PGAP4: variants seen among roughly 807,000 people sequenced by gnomAD.
PGAP4 encodes the protein post-GPI attachment to proteins GalNAc transferase 4, also known as GPI-N-acetylgalactosamine transferase PGAP4.
Under a neutral mutation model 28.2 loss-of-function variants are expected in PGAP4, and 12 were observed. The observed-to-expected ratio is 0.42, with a 90% CI of 0.27 to 0.69. PGAP4 has a LOEUF of 0.69. PGAP4 is among the 30% of genes least tolerant of loss of function. The pLI, the probability that PGAP4 is intolerant of heterozygous loss-of-function variation, is 0.22. For missense variants in PGAP4, 425 were observed against 513.5 expected, an observed-to-expected ratio of 0.83 and a Z score of 1.67; for synonymous variants, 205 against 211.8, an observed-to-expected ratio of 0.97 and a Z score of 0.28.
At chr9:101,519,898 G>A (rs1929484) in intron 2 of PGAP4, among the ~76,000 whole-genome samples, 23,923 of 152,032 alleles carry the variant, frequency 0.16, 2,405 homozygotes, top group East Asian at 0.36. Flanking sequence ...GATTTTGTAT[G>A]AGGTGAGAGA....
intron 1 of PGAP4, among the ~76,000 whole-genome samples, chr9:101,481,727 C>A (rs16920423): frequency 0.15 from 22,477 of 152,156 alleles, 2,423 homozygotes; most frequent in African/African-American, 0.29. Context: ...GTGGAAGACA[C>A]AATACCAGGG....
upstream of PGAP4, chr9:101,489,017 C>G (rs1826660796): frequency 6.6e-6 from 1 of 152,104 alleles, no homozygotes; most frequent in South Asian, 2.1e-4. Context: ...TCAAACACTT[C>G]CCTAGTACTT....
intron 2 of PGAP4, among the ~76,000 whole-genome samples, chr9:101,494,959 T>G (rs549343029): frequency 6.7e-6 from 1 of 149,992 alleles, no homozygotes; most frequent in South Asian, 2.1e-4. Flanking sequence ...TAGAAAAGAT[T>G]AATATAACAA....
At chr9:101,517,090 T>C (rs575065453) in intron 2 of PGAP4, among the ~76,000 whole-genome samples, 4 of 152,314 alleles carry the variant, frequency 2.6e-5, no homozygotes, top group Admixed American at 2.6e-4. Context: ...CTGCTGTTAT[T>C]TAACTAAATT....
intron 2 of PGAP4, among the ~76,000 whole-genome samples, chr9:101,515,494 A>G (rs1339945298): frequency 6.6e-6 from 1 of 152,184 alleles, no homozygotes; most frequent in Non-Finnish European, 1.5e-5. Context: ...TGTTATTCAG[A>G]TGTGTAGGCA....
exon 1 of PGAP4, chr9:101,532,902 G>A (rs1827116387): frequency 6.6e-6 from 1 of 150,448 alleles, no homozygotes; most frequent in Non-Finnish European, 1.5e-5. Flanking sequence ...TTCCCAAGAT[G>A]CCTAAATTCT....
chr9:101,502,441 T>A (rs951784308), intron 2 of PGAP4, among the ~76,000 whole-genome samples: 3 of 152,068 alleles, frequency 2.0e-5, no homozygotes, highest in Admixed American at 1.3e-4. Flanking sequence ...GCCTCTGTGA[T>A]TCCAGTAATG....
intron 2 of PGAP4, among the ~76,000 whole-genome samples, chr9:101,525,235 T>C (rs949969571): frequency 2.0e-5 from 3 of 152,230 alleles, no homozygotes; most frequent in East Asian, 3.9e-4. Context: ...AGGTTTGTGC[T>C]TGCTATTTAG....
chr9:101,476,157 A>G lies in PGAP4; in HGVS notation c.936T>C (p.Tyr312=). Residue 312 remains tyrosine (Y), a synonymous_variant, in exon 2 of 2, where the codon TAT becomes TAC. Coordinates refer to ENST00000374848, the MANE Select transcript of PGAP4 (RefSeq NM_032342.3). The surrounding 1 kb of genome is among the most constrained non-coding windows in gnomAD (Gnocchi z 7.0). ...MGLVELVGRH[Y]FLELRRLSPS... is the part of the protein sequence containing the mutation. Reference sequence around the variant, plus strand: ...GACTCAGCCGCCGCAGTTCCAGGAAATAGTGCCGACCCACCAGCTCCACCA... The same window carrying G: ...GACTCAGCCGCCGCAGTTCCAGGAAGTAGTGCCGACCCACCAGCTCCACCA... The G allele has an allele frequency of 1.2e-6, 2 of 1,614,168 alleles. No individual in the cohort carries two copies. Among genetic ancestry groups the G allele is most frequent in the Non-Finnish European group, 8.5e-7 (1 of 1,180,028 alleles).
chr9:101,527,351 C>A (rs1044268098), intron 2 of PGAP4, among the ~76,000 whole-genome samples: 1 of 152,178 alleles, frequency 6.6e-6, no homozygotes, highest in Non-Finnish European at 1.5e-5. Context: ...TGCTGTAAGA[C>A]CTCCTTTTAA....
chr9:101,485,701 T>C (rs1162906538), intron 1 of PGAP4, among the ~76,000 whole-genome samples: 1 of 152,194 alleles, frequency 6.6e-6, no homozygotes, highest in Non-Finnish European at 1.5e-5. Context: ...ACTTCAAATG[T>C]GTATACATAG....
intron 2 of PGAP4, among the ~76,000 whole-genome samples, chr9:101,495,054 A>C (rs1826727180): frequency 7.3e-6 from 1 of 137,766 alleles, no homozygotes; most frequent in Non-Finnish European, 1.6e-5. Context: ...CCTAAATGTA[A>C]CTGAAAGAAG....
chr9:101,527,677 GTATAAA>G (rs1827047199), intron 2 of PGAP4, among the ~76,000 whole-genome samples: 1 of 152,232 alleles, frequency 6.6e-6, no homozygotes, highest in South Asian at 2.1e-4. Flanking sequence ...ATGTTAAAAT[GTATAAA>G]TATAAACTTG....
chr9:101,484,865 A>T (rs1263075320), intron 1 of PGAP4, among the ~76,000 whole-genome samples: 1 of 152,186 alleles, frequency 6.6e-6, no homozygotes, highest in Non-Finnish European at 1.5e-5. Context: ...CAGAGATATG[A>T]CCATTTTATT....
chr9:101,526,274 C>A lies in PGAP4; in HGVS notation c.-165+5074G>T, dbSNP rs548661397. 9.6e-4 allele frequency among the ~76,000 whole-genome samples: 146 copies of A among 152,008 alleles called. 1 individual carries two copies. Among genetic ancestry groups the A allele is most frequent in the African/African-American group, 3.0e-3 (126 of 41,496 alleles). On this transcript the variant is annotated intron_variant, in intron 2 of 3. Transcript: ENST00000374851. Reference sequence around the variant, plus strand: ...ATTAGATTATTAATAAAAGCAAGCACAAATAAGAAAAAGAGAAAGGGAATA... The same window carrying A: ...ATTAGATTATTAATAAAAGCAAGCAAAAATAAGAAAAAGAGAAAGGGAATA...
chr9:101,473,252 A>T lies in PGAP4; in HGVS notation c.*2629T>A, dbSNP rs1209473136. ...CACAAGAGAGAGCTTCTTAAGCCTG[A>T]CCATAATTTAAACTCTGAAAGGTGA... On this transcript the variant is annotated 3_prime_UTR_variant, in exon 2 of 2. Transcript: ENST00000374848. 5 of 152,360 alleles carry T rather than the reference A, an allele frequency of 3.3e-5. No individual in the cohort carries two copies. In the East Asian group the frequency reaches 9.6e-4, roughly 29 times the overall value. The allele number at this position is 152,360 out of a possible 1,614,324, so 9.4% of individuals were successfully genotyped here. A position where few individuals can be genotyped will look rare whatever the true frequency, so the allele number is the denominator to read the frequency against.
rs143406343 is a variant in PGAP4 at position 101,477,086 on chromosome 9, T to C, written c.7A>G (p.Thr3Ala). Reference sequence around the variant, plus strand: ...AGCATGGCAGCTGGAGAGGTTGAAGTGCTCATGAGGTCAACTTTTGTTCAT... The same window carrying C: ...AGCATGGCAGCTGGAGAGGTTGAAGCGCTCATGAGGTCAACTTTTGTTCAT... MS[T>A]STSPAAMLLR... is the part of the protein sequence containing the mutation. Residue 3 changes from threonine to alanine, a missense_variant, in exon 2 of 2, where the codon ACT (threonine) becomes GCT (alanine). Physicochemically the swap from Thr to Ala is moderately conservative, Grantham distance 58 (BLOSUM62 0). Coordinates refer to ENST00000374848, the MANE Select transcript of PGAP4 (RefSeq NM_032342.3). The C allele has an allele frequency of 9.1e-5, 143 of 1,576,950 alleles. No homozygotes were observed. In the African/African-American group the frequency reaches 1.8e-3, roughly 20 times the overall value.
chr9:101,496,009 T>C (rs555643819), intron 2 of PGAP4, among the ~76,000 whole-genome samples: 1 of 151,494 alleles, frequency 6.6e-6, no homozygotes, highest in East Asian at 1.9e-4. Flanking sequence ...AACTATATTA[T>C]AGAGGAATGT....
At chr9:101,531,025 C>T (rs1052782612) in intron 2 of PGAP4, among the ~76,000 whole-genome samples, 2 of 152,016 alleles carry the variant, frequency 1.3e-5, no homozygotes, top group African/African-American at 4.8e-5. Context: ...ACTAACCTCC[C>T]CTGAGCAAGA....
Sources: allele counts gnomAD v4.1 joint callset (sites outside exome capture counted in the v4.1 genomes callset), GRCh38; gene constraint gnomAD v4.1.1; non-coding constraint Gnocchi (gnomAD v3.1); transcripts MANE v1.5; gene names NCBI Gene and HGNC (gene_info 2026-07-23, HGNC 2026-07-21).